CNTNAP2: variants seen among roughly 807,000 people sequenced by gnomAD.
CNTNAP2 encodes the protein contactin associated protein 2, also known as contactin-associated protein-like 2.
CNTNAP2 carries 98 observed loss-of-function variants against 155.2 expected under a neutral mutation model. That is an observed-to-expected ratio of 0.63 (90% CI 0.54 to 0.75). CNTNAP2 has a LOEUF of 0.75. CNTNAP2 is among the 30% of genes least tolerant of loss of function. The pLI is 0.00. For synonymous variants in CNTNAP2, 651 were observed against 631.2 expected (o/e 1.03, Z -0.47); for missense variants, 1,727 against 1,688.1 (o/e 1.02, Z -0.40).
chr7:148,375,340 A>T (rs995424605), intron 21 of CNTNAP2, among the ~76,000 whole-genome samples: 1 of 147,586 alleles, frequency 6.8e-6, no homozygotes, highest in Non-Finnish European at 1.5e-5. Flanking sequence ...ATATATTTTT[A>T]TATATATATA....
chr7:147,120,868 A>C, intron 5 of CNTNAP2, 111 bp from the exon 6 acceptor site: 27 of 976,340 alleles, frequency 2.8e-5, no homozygotes, highest in Non-Finnish European at 3.9e-5. Context: ...TCGAATGGAT[A>C]GAGCTTTGAT....
intron 11 of CNTNAP2, among the ~76,000 whole-genome samples, chr7:147,537,296 A>C (rs1462664496): frequency 7.4e-6 from 1 of 135,374 alleles, no homozygotes; most frequent in Non-Finnish European, 1.6e-5. Flanking sequence ...TTTGATTATT[A>C]AGCATTCATA....
At chr7:147,677,272 T>A (rs1175780139) in intron 13 of CNTNAP2, among the ~76,000 whole-genome samples, 1 of 151,960 alleles carries the variant, frequency 6.6e-6, no homozygotes, top group Non-Finnish European at 1.5e-5. Flanking sequence ...TGTTGAGCAT[T>A]TTTTCATATA....
intron 15 of CNTNAP2, among the ~76,000 whole-genome samples, chr7:148,039,526 A>G (rs552873860): frequency 1.3e-5 from 2 of 152,266 alleles, no homozygotes; most frequent in East Asian, 1.9e-4. Flanking sequence ...TAACCATCAC[A>G]GCAACTGGGC....
chr7:148,193,305 C>T (rs567942196), intron 18 of CNTNAP2, among the ~76,000 whole-genome samples: 9 of 152,304 alleles, frequency 5.9e-5, no homozygotes, highest in African/African-American at 2.2e-4. Flanking sequence ...CAAGGCCAAC[C>T]TAGCCATTAG....
intron 1 of CNTNAP2, among the ~76,000 whole-genome samples, chr7:146,671,130 G>T (rs1369475111): frequency 6.6e-6 from 1 of 152,066 alleles, no homozygotes; most frequent in Admixed American, 6.6e-5. Context: ...TACATTAAGA[G>T]ACTTTTCTTC....
chr7:147,573,806 A>G (rs1458924663), intron 12 of CNTNAP2, among the ~76,000 whole-genome samples: 1 of 152,058 alleles, frequency 6.6e-6, no homozygotes, highest in Non-Finnish European at 1.5e-5. Context: ...TCCCCCCTAT[A>G]TTGGAATGCA....
chr7:147,736,965 G>A (rs954914865), intron 13 of CNTNAP2, among the ~76,000 whole-genome samples: 10 of 152,282 alleles, frequency 6.6e-5, no homozygotes, highest in East Asian at 1.9e-4. Context: ...CCATGGGTTC[G>A]AACTTCTTCC....
chr7:146,960,730 T>G (rs1003361589), intron 3 of CNTNAP2, among the ~76,000 whole-genome samples: 11 of 152,222 alleles, frequency 7.2e-5, no homozygotes, highest in Non-Finnish European at 2.9e-5. Context: ...GTTTCAATAT[T>G]GTAATTTCAG....
In CNTNAP2 at chr7:147,662,160, C is replaced by T. The variant is rs535907866; in HGVS notation, c.2098+22854C>T. On this transcript the variant is annotated intron_variant, in intron 13 of 23. Transcript: ENST00000361727. ...ACACATATTAATCAAAAACACAAAC[C>T]CTCCCGATCTGACATAATGTAGATG... 8.5e-5 allele frequency among the ~76,000 whole-genome samples: 13 copies of T among 152,226 alleles called. No individual in the cohort carries two copies. In the East Asian group the frequency reaches 2.5e-3, roughly 29 times the overall value.
intron 12 of CNTNAP2, among the ~76,000 whole-genome samples, chr7:147,567,625 A>T (rs1404291759): frequency 6.6e-6 from 1 of 152,182 alleles, no homozygotes; most frequent in African/African-American, 2.4e-5. Context: ...GATGAGACAG[A>T]GAAAGTTGAA....
At chr7:147,679,150 G>A (rs1795912452) in intron 13 of CNTNAP2, among the ~76,000 whole-genome samples, 1 of 151,834 alleles carries the variant, frequency 6.6e-6, no homozygotes, top group South Asian at 2.1e-4. Flanking sequence ...AGTGATATAT[G>A]AGTGTGATAA....
At chr7:146,926,234 C>T (rs1796606279) in intron 3 of CNTNAP2, among the ~76,000 whole-genome samples, 1 of 151,466 alleles carries the variant, frequency 6.6e-6, no homozygotes, top group Non-Finnish European at 1.5e-5. Context: ...ATATTAAAAC[C>T]AATCTGCTGT....
intron 21 of CNTNAP2, among the ~76,000 whole-genome samples, chr7:148,311,094 G>C (rs1029246281): frequency 6.6e-5 from 10 of 152,126 alleles, no homozygotes; most frequent in African/African-American, 2.4e-4. Context: ...GTCTAAATAT[G>C]GGGGGAGTAG....
At chr7:146,484,734 G>A (rs567205303) in intron 1 of CNTNAP2, among the ~76,000 whole-genome samples, 34 of 152,138 alleles carry the variant, frequency 2.2e-4, no homozygotes, top group Non-Finnish European at 4.3e-4. Flanking sequence ...TAAGAACTGA[G>A]TTGTCTTATT....
intron 3 of CNTNAP2, among the ~76,000 whole-genome samples, chr7:146,862,180 T>C (rs895336940): frequency 1.3e-5 from 2 of 152,212 alleles, no homozygotes; most frequent in Non-Finnish European, 2.9e-5. Context: ...ATTAGAATCA[T>C]TTATTCTATC....
At chr7:146,237,171 G>T (rs780224000) in intron 1 of CNTNAP2, among the ~76,000 whole-genome samples, 9 of 152,158 alleles carry the variant, frequency 5.9e-5, no homozygotes, top group Admixed American at 2.0e-4. Flanking sequence ...CAGGACCTTG[G>T]CAGGGAAGTT....
intron 8 of CNTNAP2, among the ~76,000 whole-genome samples, chr7:147,239,352 A>G (rs938309851): frequency 6.6e-6 from 1 of 151,876 alleles, no homozygotes; most frequent in Non-Finnish European, 1.5e-5. Context: ...CTAAAAAAAA[A>G]ATACAAAATT....
intron 1 of CNTNAP2, among the ~76,000 whole-genome samples, chr7:146,203,090 A>G (rs1469981284): frequency 6.6e-6 from 1 of 152,164 alleles, no homozygotes; most frequent in Non-Finnish European, 1.5e-5. Flanking sequence ...CATCACAACA[A>G]TCAACACAGA....
Sources: gnomAD v4.1 joint callset for allele counts (sites outside exome capture counted in the v4.1 genomes callset) on GRCh38, gnomAD v4.1.1 for gene constraint, MANE v1.5 for transcripts, NCBI Gene and HGNC (gene_info 2026-07-23, HGNC 2026-07-21) for gene names.